The following SHOC1 variants were observed in gnomAD, a reference collection of about 807,000 sequenced individuals.
SHOC1 encodes the protein protein shortage in chiasmata 1 ortholog.
In SHOC1, 136 loss-of-function variants were observed where a neutral mutation model predicts 179.2. The ratio of observed to expected loss-of-function variants is 0.76; its 90% CI spans 0.66 to 0.87. The LOEUF (loss-of-function observed/expected upper bound fraction) is 0.87. Among genes scored for constraint, SHOC1 ranks in the 40% least tolerant of loss-of-function variants. SHOC1 has a pLI of 0.00. For synonymous variants in SHOC1, 489 were observed against 586.6 expected, an observed-to-expected ratio of 0.83 and a Z score of 2.41; for missense variants, 1,538 against 1,700.8, an observed-to-expected ratio of 0.90 and a Z score of 1.68.
intron 15 of SHOC1, among the ~76,000 whole-genome samples, chr9:111,721,036 C>T (rs80320490): frequency 0.011 from 1,720 of 152,232 alleles, 29 homozygotes; most frequent in African/African-American, 0.038. Flanking sequence ...TCCTCTTGTG[C>T]TTTATGATGG....
At chr9:111,785,710 A>G (rs1037694357) in intron 3 of SHOC1, among the ~76,000 whole-genome samples, 1 of 152,204 alleles carries the variant, frequency 6.6e-6, no homozygotes, top group Non-Finnish European at 1.5e-5. Context: ...GTTTATTCAT[A>G]TCAAATATAA....
chr9:111,712,052 G>A (rs545007984), intron 18 of SHOC1, among the ~76,000 whole-genome samples: 2 of 152,328 alleles, frequency 1.3e-5, no homozygotes, highest in Admixed American at 1.3e-4. Context: ...TGAAGATCAT[G>A]AAAGAGCTAT....
intron 5 of SHOC1, chr9:111,759,242 AT>A (rs1835026717): frequency 1.2e-6 from 2 of 1,613,730 alleles, no homozygotes; most frequent in African/African-American, 2.7e-5. Flanking sequence ...TCTCTGCATC[AT>A]TTTACCTCTT....
At chr9:111,700,185 G>GT (rs1831903795) in intron 23 of SHOC1, 138 bp from the exon 24 acceptor site, 751 of 459,600 alleles carry the variant, frequency 1.6e-3, no homozygotes, top group South Asian at 5.8e-3. Flanking sequence ...AAATTTGTGG[G>GT]GTTTTTTTTT....
rs1478776367 is a variant in SHOC1 at position 111,738,385 on chromosome 9, T to A, written c.1312A>T (p.Met438Leu). The part of the protein sequence containing the change: ...WKQAGLNLKM[M>L]ETLEHLNTYL... ...GTATTCAGATGTTCCAATGTTTCCATCATTTTCAGATTTAGTCCTGCTTGT... is the reference window on the plus strand; with the variant it reads ...GTATTCAGATGTTCCAATGTTTCCAACATTTTCAGATTTAGTCCTGCTTGT... Residue 438 changes from methionine (M) to leucine (L), a missense_variant, in exon 12 of 28, where the codon ATG (methionine) becomes TTG (leucine). Coordinates refer to ENST00000682961, the MANE Select transcript of SHOC1 (RefSeq NM_001378211.1). The A allele has an allele frequency of 2.5e-6, 4 of 1,613,500 alleles. No individual in the cohort carries two copies. The highest frequency in any genetic ancestry group is 3.4e-6 in the Non-Finnish European group (4 of 1,179,804).
intron 3 of SHOC1, among the ~76,000 whole-genome samples, chr9:111,784,364 T>A (rs1482996810): frequency 6.6e-6 from 1 of 152,190 alleles, no homozygotes. Context: ...TGTGACCCCC[T>A]CACTGTTGAC....
At chr9:111,753,622 A>AT (rs909859365) in intron 8 of SHOC1, among the ~76,000 whole-genome samples, 10 of 152,288 alleles carry the variant, frequency 6.6e-5, no homozygotes, top group African/African-American at 1.7e-4. Context: ...ATCAAGTGAG[A>AT]TTTTTTTCCC....
chr9:111,767,848 T>C (rs1473197433), intron 5 of SHOC1, among the ~76,000 whole-genome samples: 1 of 152,186 alleles, frequency 6.6e-6, no homozygotes, highest in Non-Finnish European at 1.5e-5. Flanking sequence ...CCTTTTTGTA[T>C]GTCCTCCTCA....
rs147471611 is a variant in SHOC1, at chr9:111,793,757, G to C, written c.-37+1143C>G. Among the ~76,000 whole-genome samples the C allele has an allele frequency of 9.3e-5, 14 of 150,500 alleles. 1 individual carries two copies. Among genetic ancestry groups the C allele is most frequent in the African/African-American group, 3.4e-4 (14 of 41,030 alleles). Reference sequence around the variant, plus strand: ...CTAACAAACATCTACTGGACTACTGGACCAAAATGGAAATGCACACGATAA... The same window carrying C: ...CTAACAAACATCTACTGGACTACTGCACCAAAATGGAAATGCACACGATAA... On this transcript the variant is annotated intron_variant, in intron 1 of 27. Coordinates refer to ENST00000682961, the MANE Select transcript of SHOC1 (RefSeq NM_001378211.1).
At chr9:111,763,316 T>A (rs1344704542) in intron 5 of SHOC1, among the ~76,000 whole-genome samples, 1 of 151,994 alleles carries the variant, frequency 6.6e-6, no homozygotes, top group Non-Finnish European at 1.5e-5. Flanking sequence ...AGTATCTACA[T>A]GGAAGGATAC....
chr9:111,782,073 G>T (rs1043126250), intron 3 of SHOC1, among the ~76,000 whole-genome samples: 1 of 152,110 alleles, frequency 6.6e-6, no homozygotes, highest in Non-Finnish European at 1.5e-5. Flanking sequence ...TTATCCAGGC[G>T]TGGTGGTGGG....
At chr9:111,727,321 C>T (rs545538536) in intron 13 of SHOC1, among the ~76,000 whole-genome samples, 2 of 152,172 alleles carry the variant, frequency 1.3e-5, no homozygotes, top group South Asian at 4.1e-4. Context: ...AATTGACCAA[C>T]AAAAGTTAGA....
intron 20 of SHOC1, among the ~76,000 whole-genome samples, chr9:111,705,789 T>C (rs2131357571): frequency 6.6e-6 from 1 of 152,200 alleles, no homozygotes; most frequent in African/African-American, 2.4e-5. Context: ...TTTTAAATTA[T>C]GTGCAATAAC....
chr9:111,773,747 T>C (rs1282329547), intron 5 of SHOC1, among the ~76,000 whole-genome samples: 1 of 152,144 alleles, frequency 6.6e-6, no homozygotes, highest in African/African-American at 2.4e-5. Context: ...TTAGCAAATA[T>C]CAATAAACCA....
intron 5 of SHOC1, among the ~76,000 whole-genome samples, chr9:111,773,980 T>C (rs1382029986): frequency 2.0e-5 from 3 of 152,142 alleles, no homozygotes; most frequent in Non-Finnish European, 4.4e-5. Context: ...AAAATCTAAA[T>C]TTATAAAGTG....
At chr9:111,716,200 G>C (rs1454483701) in intron 16 of SHOC1, among the ~76,000 whole-genome samples, 1 of 151,968 alleles carries the variant, frequency 6.6e-6, no homozygotes, top group African/African-American at 2.4e-5. Context: ...CCTTAAGGTA[G>C]ATAAATAGTA....
intron 3 of SHOC1, among the ~76,000 whole-genome samples, chr9:111,782,737 C>T (rs1292063631): frequency 2.0e-5 from 3 of 151,762 alleles, no homozygotes; most frequent in Admixed American, 2.0e-4. Flanking sequence ...AAAACAAAAA[C>T]AAGAAACAAA....
At chr9:111,783,802 T>C (rs1836166168) in intron 3 of SHOC1, among the ~76,000 whole-genome samples, 1 of 152,142 alleles carries the variant, frequency 6.6e-6, no homozygotes, top group Admixed American at 6.5e-5. Flanking sequence ...TACTTACAGA[T>C]AGGTAACAAG....
intron 2 of SHOC1, 45 bp downstream of exon 2, chr9:111,791,329 C>T (rs1055850212): frequency 8.7e-6 from 10 of 1,146,996 alleles, no homozygotes; most frequent in Middle Eastern, 4.3e-4. Flanking sequence ...ACACTTCTTA[C>T]ATCATAATTC....
Sources: allele counts gnomAD v4.1 joint callset (sites outside exome capture counted in the v4.1 genomes callset), GRCh38; gene constraint gnomAD v4.1.1; transcripts MANE v1.5; gene names NCBI Gene and HGNC (gene_info 2026-07-23, HGNC 2026-07-21).